The following PABIR3 variants were observed in gnomAD, a reference collection of about 807,000 sequenced individuals.
The protein encoded by PABIR3 is PABIR family member 3.
A neutral mutation model predicts 23.1 loss-of-function variants in PABIR3; 20 were observed. That is an observed-to-expected ratio of 0.86 (90% confidence interval 0.61 to 1.26). The LOEUF (loss-of-function observed/expected upper bound fraction) is 1.26. PABIR3 is among the 50% of genes most tolerant of loss of function. The pLI, the probability that PABIR3 is intolerant of heterozygous loss-of-function variation, is 0.00. For missense variants in PABIR3, 189 were observed against 195.4 expected, an observed-to-expected ratio of 0.97 and a Z score of 0.20; for synonymous variants, 69 against 68.5, an observed-to-expected ratio of 1.01 and a Z score of -0.04.
In PABIR3 at chrX:134,833,084, G is replaced by T. The variant is rs761091927; in HGVS notation, c.246+3802G>T. ...GATGTGTGGATTTTGGTATTGCAGT[G>T]GGGGGGTGCTGGAACCAATTCCCCA... On this transcript the variant is annotated intron_variant, in intron 4 of 10. Coordinates refer to ENST00000645433, the MANE Select transcript of PABIR3 (RefSeq NM_001388447.1). 3.6e-5 allele frequency: 4 copies of T among 110,598 alleles called. No individual in the cohort carries two copies. In the South Asian group the frequency reaches 1.2e-3, roughly 32 times the overall value. 9.1% of individuals were successfully genotyped at this position (110,598 alleles called of 1,213,427 possible). A position where few individuals can be genotyped will look rare whatever the true frequency, so the allele number is the denominator to read the frequency against.
At chrX:134,826,956 G>GTATT (rs748703212) in intron 3 of PABIR3, among the ~76,000 whole-genome samples, 125 of 111,384 alleles carry the variant, frequency 1.1e-3, no homozygotes, top group Middle Eastern at 4.7e-3. Flanking sequence ...TTTTATGTAT[G>GTATT]TATTTATTTA....
chrX:134,804,414 T>G (rs780173216), upstream of PABIR3, among the ~76,000 whole-genome samples: 2 of 112,184 alleles, frequency 1.8e-5, no homozygotes, highest in Non-Finnish European at 3.8e-5. Flanking sequence ...CTTTACAGGT[T>G]TGGGGTTCCT....
At chrX:134,854,063 A>G (rs2082723825) in intron 10 of PABIR3, 28 bp from the exon 11 acceptor site, 2 of 1,207,467 alleles carry the variant, frequency 1.7e-6, no homozygotes, top group Non-Finnish European at 2.2e-6. Context: ...GAGTTCTGCT[A>G]TCAATGAGTG....
At position 134,849,294 on chromosome X, in the gene PABIR3, A is replaced by C. The variant is rs1242138668; in HGVS notation, c.589+66A>C. 2.3e-5 allele frequency: 11 copies of C among 474,680 alleles called. No individual in the cohort carries two copies. In the East Asian group the frequency reaches 5.0e-4, roughly 22 times the overall value. The allele number at this position is 474,680 out of a possible 1,213,427, so 39.1% of individuals were successfully genotyped here. On this transcript the variant is annotated intron_variant, in intron 9 of 10. Coordinates refer to ENST00000645433, the MANE Select transcript of PABIR3 (RefSeq NM_001388447.1). ...TATTTTATAAAATATCTAAAATCAAATGTTATACAAAAATGTATTTTTAAA... is the reference window on the plus strand; with the variant it reads ...TATTTTATAAAATATCTAAAATCAACTGTTATACAAAAATGTATTTTTAAA...
At chrX:134,813,168 A>C (rs2080770256) in intron 2 of PABIR3, among the ~76,000 whole-genome samples, 1 of 112,159 alleles carries the variant, frequency 8.9e-6, no homozygotes, top group Non-Finnish European at 1.9e-5. Context: ...TTTTGTTTTG[A>C]AATTGTACTA....
At chrX:134,835,064 A>G (rs990616595) in intron 4 of PABIR3, 14 of 109,652 alleles carry the variant, frequency 1.3e-4, no homozygotes, top group African/African-American at 3.7e-4. Flanking sequence ...TTTAATTTTT[A>G]TTTATTTATT....
intron 4 of PABIR3, among the ~76,000 whole-genome samples, chrX:134,838,206 T>G (rs1386622208): frequency 8.9e-6 from 1 of 112,334 alleles, no homozygotes; most frequent in East Asian, 2.8e-4. Flanking sequence ...CTCTTTGTTG[T>G]CACTGCTGCT....
At chrX:134,828,302 G>A (rs934266777) in intron 3 of PABIR3, among the ~76,000 whole-genome samples, 37 of 110,045 alleles carry the variant, frequency 3.4e-4, no homozygotes, top group Non-Finnish European at 6.1e-4. Flanking sequence ...TGTTGGCCAG[G>A]CTGGTCTTGA....
the PABIR3 span, among the ~76,000 whole-genome samples, chrX:134,861,673 C>CAAAAAAA: frequency 3.2e-5 from 1 of 30,940 alleles, no homozygotes. Context: ...GACTCCGCCT[C>CAAAAAAA]AAAAAAAAAA....
downstream of PABIR3, among the ~76,000 whole-genome samples, chrX:134,859,417 T>G (rs1247339781): frequency 1.8e-5 from 2 of 111,851 alleles, no homozygotes; most frequent in Non-Finnish European, 3.8e-5. Flanking sequence ...GAATGATTTA[T>G]GATGAAATAT....
At chrX:134,859,027 C>T (rs2082761254), downstream of PABIR3, among the ~76,000 whole-genome samples, 1 of 111,732 alleles carries the variant, frequency 8.9e-6, no homozygotes, top group African/African-American at 3.3e-5. Context: ...AACATAAATG[C>T]TCATGTCAGC....
At chrX:134,806,229 G>A (rs1044871145), upstream of PABIR3, among the ~76,000 whole-genome samples, 1 of 112,334 alleles carries the variant, frequency 8.9e-6, no homozygotes, top group African/African-American at 3.2e-5. Flanking sequence ...TTTTAAAAAA[G>A]CCTCACTGCT....
At chrX:134,849,056 C>G (rs1267179768) in intron 8 of PABIR3, 111 bp from the exon 9 acceptor site, 2 of 278,205 alleles carry the variant, frequency 7.2e-6, no homozygotes, top group Admixed American at 6.8e-5. Flanking sequence ...ATGTAATATC[C>G]TACACAGAGT....
intron 2 of PABIR3, 99 bp from the exon 3 acceptor site, chrX:134,814,672 C>T (rs2080869299): frequency 1.6e-6 from 1 of 608,868 alleles, no homozygotes; most frequent in African/African-American, 2.4e-5. Context: ...GCACTCCAGC[C>T]TGGGCAACAG....
In PABIR3 at chrX:134,849,166, GA is replaced by G; in HGVS notation, c.529del (p.Arg177GlufsTer17). 1 of 972,961 alleles carries G rather than the reference GA, an allele frequency of 1.0e-6. No individual in the cohort carries two copies. The allele number at this position is 972,961 out of a possible 1,213,427, so 80.2% of individuals were successfully genotyped here. ...PIPSPMQQYI[I>X]RSQNPTNIIR... ...TAATGATCATGATGATTTTATTTTA[GA>G]AGAAGTCAAAATCCTACCAACATTA... On this transcript the variant is annotated frameshift_variant and splice_region_variant, in exon 9 of 11. Coordinates refer to ENST00000645433, the MANE Select transcript of PABIR3 (RefSeq NM_001388447.1). LOFTEE classifies it high-confidence loss of function.
chrX:134,864,158 C>A, the PABIR3 span, among the ~76,000 whole-genome samples: 1 of 110,283 alleles, frequency 9.1e-6, no homozygotes, highest in Non-Finnish European at 1.9e-5. Flanking sequence ...TCAAGTGATT[C>A]TCCTGCCTCA....
At position 134,845,407 on chromosome X, in the gene PABIR3, ATAT is replaced by A. The variant is rs778116796; in HGVS notation, c.345+10_345+12del. 2 of 1,182,884 alleles carry A rather than the reference ATAT, an allele frequency of 1.7e-6. No homozygotes were observed. Among genetic ancestry groups the A allele is most frequent in the Non-Finnish European group, 2.3e-6 (2 of 879,719 alleles). ...GGGAAGAAGGCTTGAAACTGGTATG[ATAT>A]TATAACTTCAGTTTTGTAGAAAATT... On this transcript the variant is annotated splice_region_variant and intron_variant, in intron 6 of 10. Transcript: ENST00000645433.
At chrX:134,847,301 C>A in intron 6 of PABIR3, 82 bp from the exon 7 acceptor site, 1 of 715,296 alleles carries the variant, frequency 1.4e-6, no homozygotes, top group South Asian at 2.5e-5. Context: ...TAAGGACTCA[C>A]TTCCCTGTGC....
At chrX:134,822,315 T>C in intron 3 of PABIR3, 1 of 751,415 alleles carries the variant, frequency 1.3e-6, no homozygotes, top group Non-Finnish European at 1.6e-6. Flanking sequence ...ACGCCACTTG[T>C]AGTACTTAAT....
Sources: allele counts gnomAD v4.1 joint callset (sites outside exome capture counted in the v4.1 genomes callset), GRCh38; gene constraint gnomAD v4.1.1; transcripts MANE v1.5; gene names NCBI Gene and HGNC (gene_info 2026-07-23, HGNC 2026-07-21).